The following MAF variants were observed in gnomAD, a reference collection of about 807,000 sequenced individuals.
MAF encodes the protein MAF bZIP transcription factor.
MAF carries 10 observed loss-of-function variants against 22.0 expected under a neutral mutation model. The ratio of observed to expected loss-of-function variants is 0.45; its 90% confidence interval spans 0.28 to 0.77. MAF has a LOEUF of 0.77. Among genes scored for constraint, MAF ranks in the 30% least tolerant of loss-of-function variants. The probability of loss-of-function intolerance (pLI) is 0.12; values close to 1 mark genes in which losing one functional copy is unlikely to be tolerated. For missense variants in MAF, 544 were observed against 548.4 expected (o/e 0.99, Z 0.08); for synonymous variants, 337 against 255.8 (o/e 1.32, Z -3.03).
chr16:79,354,274 G>A, the MAF span, among the ~76,000 whole-genome samples: 1 of 152,098 alleles, frequency 6.6e-6, no homozygotes, highest in Admixed American at 6.6e-5. Flanking sequence ...TTACAGACAT[G>A]AGCCATGGCA....
chr16:79,447,994 G>C, the MAF span, among the ~76,000 whole-genome samples: 1 of 151,514 alleles, frequency 6.6e-6, no homozygotes, highest in African/African-American at 2.4e-5. Context: ...ATGAGATGTT[G>C]CTGCTTATGG....
At chr16:79,338,881 G>T in the MAF span, among the ~76,000 whole-genome samples, 1 of 152,096 alleles carries the variant, frequency 6.6e-6, no homozygotes, top group Non-Finnish European at 1.5e-5. Context: ...AAGATGGCTA[G>T]CTGGCCACCA....
the MAF span, among the ~76,000 whole-genome samples, chr16:79,457,559 G>A: frequency 6.6e-6 from 1 of 152,108 alleles, no homozygotes; most frequent in Non-Finnish European, 1.5e-5. Flanking sequence ...CAATAGTGGA[G>A]CTATGAAAAC....
the MAF span, among the ~76,000 whole-genome samples, chr16:79,371,360 A>G: frequency 6.6e-6 from 1 of 152,186 alleles, no homozygotes; most frequent in Non-Finnish European, 1.5e-5. Flanking sequence ...GGAGTCACAG[A>G]GCCTCCCAGA....
the MAF span, among the ~76,000 whole-genome samples, chr16:79,564,552 T>G: frequency 6.6e-6 from 1 of 152,216 alleles, no homozygotes; most frequent in African/African-American, 2.4e-5. Flanking sequence ...GAAGCCGCAC[T>G]GTTTACAAAG....
the MAF span, among the ~76,000 whole-genome samples, chr16:79,509,234 G>A: frequency 6.6e-6 from 1 of 152,172 alleles, no homozygotes; most frequent in African/African-American, 2.4e-5. Context: ...AATAAAAATA[G>A]GACTTCTCTT....
the MAF span, among the ~76,000 whole-genome samples, chr16:79,488,514 T>A: frequency 1.3e-5 from 2 of 152,094 alleles, no homozygotes; most frequent in African/African-American, 4.8e-5. Flanking sequence ...ACACCCAGGT[T>A]TACTCTGAGG....
the MAF span, among the ~76,000 whole-genome samples, chr16:79,415,813 C>A: frequency 6.6e-6 from 1 of 151,932 alleles, no homozygotes; most frequent in Admixed American, 6.6e-5. Flanking sequence ...GGAGCCTCAG[C>A]TTCCTTATCT....
chr16:79,282,546 T>C, the MAF span, among the ~76,000 whole-genome samples: 1 of 152,132 alleles, frequency 6.6e-6, no homozygotes, highest in Non-Finnish European at 1.5e-5. Flanking sequence ...GTCCCAGGAA[T>C]ACTTATAACT....
the MAF span, among the ~76,000 whole-genome samples, chr16:79,567,736 A>C: frequency 6.6e-6 from 1 of 152,192 alleles, no homozygotes; most frequent in African/African-American, 2.4e-5. Context: ...CATTTCCAAT[A>C]AGTAAATCCC....
the MAF span, among the ~76,000 whole-genome samples, chr16:79,328,976 T>G: frequency 5.9e-5 from 9 of 152,188 alleles, no homozygotes; most frequent in Admixed American, 5.9e-4. Flanking sequence ...TCTTTAGCTC[T>G]TCCTAATAAC....
chr16:79,577,934 G>T, the MAF span, among the ~76,000 whole-genome samples: 5 of 152,048 alleles, frequency 3.3e-5, no homozygotes, highest in Non-Finnish European at 7.4e-5. Context: ...TGAGCTCTGG[G>T]TAACCTCTGA....
chr16:79,418,217 C>T, the MAF span, among the ~76,000 whole-genome samples: 1 of 152,094 alleles, frequency 6.6e-6, no homozygotes, highest in South Asian at 2.1e-4. Flanking sequence ...CTTCTCGTGT[C>T]TCCTTTAATT....
chr16:79,420,819 C>G, the MAF span, among the ~76,000 whole-genome samples: 2 of 152,330 alleles, frequency 1.3e-5, no homozygotes, highest in East Asian at 3.9e-4. Flanking sequence ...CACCTGAGGT[C>G]AGGAGTTCAA....
At chr16:79,288,492 C>T in the MAF span, among the ~76,000 whole-genome samples, 1 of 152,148 alleles carries the variant, frequency 6.6e-6, no homozygotes, top group African/African-American at 2.4e-5. Flanking sequence ...CAGTTTAGCT[C>T]CATACATCAC....
chr16:79,325,598 AACACACAC>A, the MAF span, among the ~76,000 whole-genome samples: 13,769 of 145,580 alleles, frequency 0.095, 692 homozygotes, highest in Middle Eastern at 0.14. Flanking sequence ...CCCAGACACA[AACACACAC>A]ACACACACAC....
the MAF span, among the ~76,000 whole-genome samples, chr16:79,543,481 G>C: frequency 6.6e-6 from 1 of 152,168 alleles, no homozygotes; most frequent in Non-Finnish European, 1.5e-5. Context: ...CAAATGTCTG[G>C]ATGTTCTCAA....
the MAF span, among the ~76,000 whole-genome samples, chr16:79,252,409 A>G: frequency 6.6e-6 from 1 of 152,094 alleles, no homozygotes; most frequent in African/African-American, 2.4e-5. Flanking sequence ...GCTGACAAGT[A>G]TATAACAACA....
chr16:79,393,016 G>C, the MAF span, among the ~76,000 whole-genome samples: 1 of 152,308 alleles, frequency 6.6e-6, no homozygotes, highest in Admixed American at 6.5e-5. Context: ...CTCTCTTCCA[G>C]GAAGTTTTTT....
Sources: allele counts gnomAD v4.1 joint callset (sites outside exome capture counted in the v4.1 genomes callset), GRCh38; gene constraint gnomAD v4.1.1; transcripts MANE v1.5; gene names NCBI Gene and HGNC (gene_info 2026-07-23, HGNC 2026-07-21).